The following ERMP1 variants were observed in gnomAD, a reference collection of about 807,000 sequenced individuals.
ERMP1 encodes the protein endoplasmic reticulum metallopeptidase 1, also known as Felix-ina.
A neutral mutation model predicts 92.0 loss-of-function variants in ERMP1; 86 were observed. The observed-to-expected ratio is 0.93, with a 90% CI of 0.79 to 1.12. The LOEUF (loss-of-function observed/expected upper bound fraction) is 1.12, where lower values mean the gene tolerates loss of function less well. Among genes scored for constraint, ERMP1 ranks in the 50% most tolerant of loss-of-function variants. The probability of loss-of-function intolerance (pLI) is 0.00; values close to 1 mark genes in which losing one functional copy is unlikely to be tolerated. For missense variants in ERMP1, 1,342 were observed against 1,116.3 expected, an observed-to-expected ratio of 1.20 and a Z score of -2.88; for synonymous variants, 530 against 412.8, an observed-to-expected ratio of 1.28 and a Z score of -3.44.
chr9:5,855,170 C>CA lies in ERMP1; in HGVS notation n.3199+4297dup, dbSNP rs1009830803. On this transcript the variant is annotated intron_variant and non_coding_transcript_variant, in intron 6 of 6. Coordinates refer to the ERMP1 transcript ENST00000690753. The stretch of plus-strand genomic sequence containing the variant: ...TAATAGCCTAAGAAAAAACAGATGT[C>CA]AAAAATATATAGTCTAAAAAAATAG... 1.6e-4 allele frequency among the ~76,000 whole-genome samples: 25 copies of CA among 152,144 alleles called. No individual in the cohort carries two copies. The East Asian group carries it at 3.3e-3, about 20-fold the overall frequency.
upstream of ERMP1, among the ~76,000 whole-genome samples, chr9:5,838,088 A>G (rs555289436): frequency 1.3e-5 from 2 of 152,206 alleles, no homozygotes; most frequent in African/African-American, 4.8e-5. Flanking sequence ...ATAGAACGAG[A>G]CTGTGTCTCC....
intron 4 of ERMP1, among the ~76,000 whole-genome samples, chr9:5,819,233 T>A (rs138997288): frequency 8.9e-4 from 135 of 152,128 alleles, no homozygotes; most frequent in Non-Finnish European, 1.8e-3. Flanking sequence ...TAGTCAGCCA[T>A]TAAAAAAAAA....
chr9:5,845,851 G>A (rs1830227850), intron 6 of ERMP1, among the ~76,000 whole-genome samples: 1 of 152,170 alleles, frequency 6.6e-6, no homozygotes, highest in Non-Finnish European at 1.5e-5. Flanking sequence ...ACAGAACCAT[G>A]GACAGGTGTA....
intron 13 of ERMP1, among the ~76,000 whole-genome samples, chr9:5,790,292 G>C (rs1172733513): frequency 6.7e-6 from 1 of 148,196 alleles, no homozygotes; most frequent in Non-Finnish European, 1.5e-5. Context: ...TAAAATAATA[G>C]AGAATTAAAA....
Position 5,831,045 on chromosome 9 carries a change from G to A in ERMP1, c.339-17C>T. The A allele has an allele frequency of 6.3e-7, 1 of 1,593,334 alleles. No individual in the cohort carries two copies. The highest frequency in any genetic ancestry group is 8.6e-7 in the Non-Finnish European group (1 of 1,166,780). On this transcript the variant is annotated splice_polypyrimidine_tract_variant and intron_variant, in intron 1 of 14. Coordinates refer to ENST00000339450, the MANE Select transcript of ERMP1 (RefSeq NM_024896.3). ...AGATAATCCCTGGAAGTAACCAAAA[G>A]AATAACAAAGGTTTGTAGTTAAAAT...
intron 2 of ERMP1, among the ~76,000 whole-genome samples, chr9:5,829,176 C>T (rs1343675282): frequency 6.9e-6 from 1 of 145,176 alleles, no homozygotes; most frequent in Non-Finnish European, 1.5e-5. Context: ...GATTGTGCCA[C>T]TGCATGCCAG....
At chr9:5,861,199 G>GTGTGTGTGTGTGTGTGTGTGTA (rs1563786930) in intron 5 of ERMP1, among the ~76,000 whole-genome samples, 48 of 146,654 alleles carry the variant, frequency 3.3e-4, no homozygotes, top group Non-Finnish European at 5.9e-4. Context: ...GTGTGTGTGT[G>GTGTGTGTGTGTGTGTGTGTGTA]TGTGTGTGTG....
Position 5,810,119 on chromosome 9 carries a change from C to G in ERMP1, c.1440G>C (p.Gln480His), listed in dbSNP as rs1829034313. Residue 480 changes from glutamine (Q) to histidine (H), a missense_variant, in exon 8 of 15, where the codon CAG becomes CAC. By Grantham distance (24) the Gln-to-His change is conservative. Transcript: ENST00000339450. The part of the protein sequence containing the change: ...IIAVFISLIG[Q>H]SLSWYNHFYV... The stretch of plus-strand genomic sequence containing the variant: ...AGAAGTGGTTATACCATGAGAGAGA[C>G]TGTCCAATAAGAGAGATGAACACTG... 6.2e-7 allele frequency: 1 copy of G among 1,613,884 alleles called. No individual in the cohort carries two copies.
rs1048366816 is a variant in ERMP1 at position 5,784,659 on chromosome 9, A to C, written c.*2485T>G. ...AACCAGTGACAAGAAATTGACAAAC[A>C]CTCCTTCTACAGCTTCCTGAGACAG... is the stretch of plus-strand genomic sequence containing the variant. On this transcript the variant is annotated 3_prime_UTR_variant, in exon 15 of 15. Coordinates refer to ENST00000339450, the MANE Select transcript of ERMP1 (RefSeq NM_024896.3). 3 of 152,494 alleles carry C rather than the reference A, an allele frequency of 2.0e-5. No individual in the cohort carries two copies. The highest frequency in any genetic ancestry group is 4.4e-5 in the Non-Finnish European group (3 of 68,014). The allele number at this position is 152,494 out of a possible 1,614,324, so 9.4% of individuals were successfully genotyped here.
Position 5,833,001 on chromosome 9 carries a change from A to T in ERMP1, c.27T>A (p.Ala9=). 6.4e-7 allele frequency: 1 copy of T among 1,557,200 alleles called. No homozygotes were observed. Residue 9 remains alanine (A), a synonymous_variant, in exon 1 of 15, where the codon GCT becomes GCA. Transcript: ENST00000339450. Reference sequence around the variant, plus strand: ...CTACTCCGACGCGGTGCCGCCTCACAGCAGCCGACTCAGAACCCCACTCCA... The same window carrying T: ...CTACTCCGACGCGGTGCCGCCTCACTGCAGCCGACTCAGAACCCCACTCCA... The part of the protein sequence containing the change: MEWGSESA[A]VRRHRVGVER...
intron 2 of ERMP1, among the ~76,000 whole-genome samples, chr9:5,828,321 CA>C (rs754109202): frequency 6.6e-5 from 10 of 152,278 alleles, no homozygotes; most frequent in Admixed American, 1.3e-4. Context: ...AACTGAGAAG[CA>C]GGTACTATAC....
rs1035894014 is a variant in ERMP1, at chr9:5,787,199, G to T, written c.2660C>A (p.Pro887Gln). 6.2e-7 allele frequency: 1 copy of T among 1,613,936 alleles called. No individual in the cohort carries two copies. The highest frequency in any genetic ancestry group is 1.3e-5 in the African/African-American group (1 of 74,902). The change falls in exon 15 of 15, where the codon CCA (proline) becomes CAA (glutamine). Residue 887 changes from proline (P) to glutamine (Q), a missense_variant. Coordinates refer to ENST00000339450, the MANE Select transcript of ERMP1 (RefSeq NM_024896.3). ...PQLDALKEKF[P>Q]DWTFPSAWVC... is the part of the protein sequence containing the mutation. ...CCAGGCAGAGGGAAATGTCCAATCT[G>T]GGAACTTTTCCTTCAGAGCATCCAG...
chr9:5,823,803 C>T (rs1829631963), intron 4 of ERMP1, 93 bp downstream of exon 4: 1 of 846,526 alleles, frequency 1.2e-6, no homozygotes, highest in Non-Finnish European at 1.9e-6. Flanking sequence ...ATTCAAGAGA[C>T]TGTTTATTGA....
chr9:5,853,059 G>T (rs1405268700), intron 6 of ERMP1, among the ~76,000 whole-genome samples: 1 of 152,158 alleles, frequency 6.6e-6, no homozygotes, highest in Non-Finnish European at 1.5e-5. Flanking sequence ...TGGGCTTCTG[G>T]GGGTGAAAAA....
chr9:5,830,465 A>G (rs1016578707), intron 2 of ERMP1, among the ~76,000 whole-genome samples: 10 of 152,232 alleles, frequency 6.6e-5, no homozygotes, highest in Admixed American at 5.9e-4. Flanking sequence ...AAGCTGCTTC[A>G]GTCTACCAGA....
chr9:5,864,934 T>A (rs1473399187), intron 5 of ERMP1, among the ~76,000 whole-genome samples: 2 of 152,138 alleles, frequency 1.3e-5, no homozygotes, highest in African/African-American at 4.8e-5. Context: ...CATGAGATCC[T>A]AACTTGTGAC....
At chr9:5,790,105 GAA>G (rs1258577009) in intron 13 of ERMP1, among the ~76,000 whole-genome samples, 5 of 151,164 alleles carry the variant, frequency 3.3e-5, no homozygotes, top group African/African-American at 1.2e-4. Flanking sequence ...ATGGGAGAGA[GAA>G]AGAGGAAAGT....
chr9:5,819,829 TAG>T (rs201683064), intron 4 of ERMP1, among the ~76,000 whole-genome samples: 98 of 152,120 alleles, frequency 6.4e-4, no homozygotes, highest in Admixed American at 4.8e-3. Context: ...GGAAAATCTA[TAG>T]AGACACAAAG....
At chr9:5,820,123 A>AC (rs1829474970) in intron 4 of ERMP1, among the ~76,000 whole-genome samples, 1 of 152,010 alleles carries the variant, frequency 6.6e-6, no homozygotes. Flanking sequence ...ACATGGTGAA[A>AC]CCCCGTCTCC....
Sources: allele counts gnomAD v4.1 joint callset (sites outside exome capture counted in the v4.1 genomes callset), GRCh38; gene constraint gnomAD v4.1.1; transcripts MANE v1.5; gene names NCBI Gene and HGNC (gene_info 2026-07-23, HGNC 2026-07-21).